The following TRPM3 variants were observed in gnomAD, a reference collection of about 807,000 sequenced individuals.
The protein encoded by TRPM3 is long transient receptor potential channel 3.
Under a neutral mutation model 181.2 loss-of-function variants are expected in TRPM3, and 77 were observed. The ratio of observed to expected loss-of-function variants is 0.42; its 90% confidence interval spans 0.35 to 0.51. TRPM3 has a LOEUF of 0.51. Ranked by LOEUF, TRPM3 falls within the 20% of genes least tolerant of loss-of-function variation. The probability of loss-of-function intolerance (pLI) is 0.01; values close to 1 mark genes in which losing one functional copy is unlikely to be tolerated. For missense variants in TRPM3, 1,759 were observed against 2,196.7 expected, an observed-to-expected ratio of 0.80 and a Z score of 3.98; for synonymous variants, 745 against 796.4, an observed-to-expected ratio of 0.94 and a Z score of 1.09.
intron 1 of TRPM3, among the ~76,000 whole-genome samples, chr9:71,032,178 CTA>C (rs1032743984): frequency 8.9e-5 from 9 of 100,928 alleles, no homozygotes; most frequent in Non-Finnish European, 1.6e-4. Flanking sequence ...ATTATATATA[CTA>C]TATATTATAT....
At chr9:71,048,688 G>C (rs574269897) in intron 1 of TRPM3, among the ~76,000 whole-genome samples, 3 of 152,174 alleles carry the variant, frequency 2.0e-5, no homozygotes, top group Admixed American at 6.5e-5. Flanking sequence ...GTGCTGGTTA[G>C]AGCTGGAGTC....
At chr9:70,645,754 A>T (rs11142529) in intron 9 of TRPM3, among the ~76,000 whole-genome samples, 4 of 146,996 alleles carry the variant, frequency 2.7e-5, no homozygotes, top group African/African-American at 1.0e-4. Context: ...AAAAAAAAAA[A>T]TAAAAAAAAT....
chr9:70,881,731 CCATTTCTG>C (rs557366380), intron 1 of TRPM3, among the ~76,000 whole-genome samples: 88 of 152,308 alleles, frequency 5.8e-4, no homozygotes, highest in South Asian at 3.5e-3. Context: ...GTGCTTTTGG[CCATTTCTG>C]CATTTCTGCA....
chr9:71,300,239 C>A (rs1218466330), intron 1 of TRPM3, among the ~76,000 whole-genome samples: 1 of 152,020 alleles, frequency 6.6e-6, no homozygotes, highest in Admixed American at 6.6e-5. Flanking sequence ...TAAATATAAT[C>A]TCGTTGGTGG....
intron 1 of TRPM3, among the ~76,000 whole-genome samples, chr9:71,193,659 A>G (rs558490220): frequency 6.6e-6 from 1 of 152,032 alleles, no homozygotes; most frequent in South Asian, 2.1e-4. Context: ...TAAGTCCAAA[A>G]CAAAACACAA....
chr9:70,869,766 G>A (rs901901524), intron 1 of TRPM3, among the ~76,000 whole-genome samples: 5 of 152,000 alleles, frequency 3.3e-5, no homozygotes, highest in African/African-American at 1.2e-4. Context: ...GGTGAGCTGT[G>A]ACCACGGTGG....
intron 9 of TRPM3, among the ~76,000 whole-genome samples, chr9:70,657,198 T>TAAAAAAAAAAAAAAA (rs3073513): frequency 8.5e-6 from 1 of 117,692 alleles, no homozygotes; most frequent in Non-Finnish European, 1.8e-5. Flanking sequence ...GGGCTTGAGG[T>TAAAAAAAAAAAAAAA]AAAAAAAAAA....
intron 1 of TRPM3, among the ~76,000 whole-genome samples, chr9:70,872,240 A>G (rs1267311497): frequency 6.6e-6 from 1 of 151,956 alleles, no homozygotes; most frequent in African/African-American, 2.4e-5. Context: ...TTTTGTTCCA[A>G]TAAAACAGGT....
At chr9:70,792,979 A>G (rs1233663761) in intron 6 of TRPM3, among the ~76,000 whole-genome samples, 1 of 152,168 alleles carries the variant, frequency 6.6e-6, no homozygotes, top group Non-Finnish European at 1.5e-5. Flanking sequence ...ATAAAAATGG[A>G]ATTTTTGTAT....
intron 19 of TRPM3, among the ~76,000 whole-genome samples, chr9:70,603,741 G>A (rs1330348915): frequency 1.3e-5 from 2 of 152,156 alleles, no homozygotes; most frequent in Admixed American, 6.5e-5. Context: ...GCATCATTTC[G>A]CCTTGCAGTT....
chr9:71,328,509 T>C (rs2132516936), intron 1 of TRPM3, among the ~76,000 whole-genome samples: 1 of 152,238 alleles, frequency 6.6e-6, no homozygotes, highest in East Asian at 1.9e-4. Flanking sequence ...GCTCAACCTG[T>C]CCAGATTTGC....
intron 20 of TRPM3, 147 bp from the exon 21 acceptor site, chr9:70,598,817 G>T: frequency 1.0e-6 from 1 of 955,478 alleles, no homozygotes; most frequent in Non-Finnish European, 1.5e-6. Flanking sequence ...GTAAAAGTCC[G>T]ACTGAGCTAA....
intron 18 of TRPM3, among the ~76,000 whole-genome samples, chr9:70,612,086 C>A (rs2062078124): frequency 6.6e-6 from 1 of 152,162 alleles, no homozygotes; most frequent in Admixed American, 6.5e-5. Flanking sequence ...TAGCATCTGG[C>A]ACTTAGTAAG....
At chr9:70,947,851 T>C (rs1484602430) in intron 1 of TRPM3, among the ~76,000 whole-genome samples, 1 of 152,138 alleles carries the variant, frequency 6.6e-6, no homozygotes, top group African/African-American at 2.4e-5. Context: ...GATTTTAAGT[T>C]TTACTTTCAC....
intron 22 of TRPM3, among the ~76,000 whole-genome samples, chr9:70,556,300 T>G (rs4146959): frequency 6.6e-6 from 1 of 152,116 alleles, no homozygotes; most frequent in Non-Finnish European, 1.5e-5. Flanking sequence ...AGATTTGATT[T>G]GTTTGGCGCC....
chr9:70,987,929 C>T (rs922672384), intron 1 of TRPM3, among the ~76,000 whole-genome samples: 2 of 151,812 alleles, frequency 1.3e-5, no homozygotes, highest in African/African-American at 4.8e-5. Flanking sequence ...ACAGTGGTTC[C>T]CAAATGCCAG....
chr9:70,598,020 A>G lies in TRPM3; in HGVS notation c.3048+399T>C, dbSNP rs934186981. On this transcript the variant is annotated intron_variant, in intron 21 of 25. Coordinates refer to ENST00000677713, the MANE Select transcript of TRPM3 (RefSeq NM_001366145.2). ...CCTCTGTGTGCTTTTTCTGACCTATATTATCTTTTCTGTGGTTCTGTTGTA... is the reference window on the plus strand; with the variant it reads ...CCTCTGTGTGCTTTTTCTGACCTATGTTATCTTTTCTGTGGTTCTGTTGTA... Among the ~76,000 whole-genome samples the G allele has an allele frequency of 3.3e-5, 5 of 152,158 alleles. No homozygotes were observed. In the South Asian group the frequency reaches 6.2e-4, roughly 19 times the overall value.
chr9:70,566,623 C>G (rs1237099354), intron 22 of TRPM3, among the ~76,000 whole-genome samples: 1 of 152,174 alleles, frequency 6.6e-6, no homozygotes, highest in Non-Finnish European at 1.5e-5. Flanking sequence ...GGTTTCTTAT[C>G]TACTAAGTAA....
intron 5 of TRPM3, among the ~76,000 whole-genome samples, chr9:70,842,722 T>A (rs933530680): frequency 3.3e-5 from 5 of 152,092 alleles, no homozygotes; most frequent in Non-Finnish European, 5.9e-5. Context: ...ATTGCAGGAT[T>A]TGATGGGTGA....
Sources: allele counts gnomAD v4.1 joint callset (sites outside exome capture counted in the v4.1 genomes callset), GRCh38; gene constraint gnomAD v4.1.1; transcripts MANE v1.5; gene names NCBI Gene and HGNC (gene_info 2026-07-23, HGNC 2026-07-21).